Variants in DNAH9 observed in about 807,000 individuals in gnomAD.
The protein encoded by DNAH9 is DNAH9 variant protein.
Under a neutral mutation model 471.6 loss-of-function variants are expected in DNAH9, and 345 were observed. The observed-to-expected ratio is 0.73, with a 90% CI of 0.67 to 0.80. The LOEUF (loss-of-function observed/expected upper bound fraction) is 0.80, where lower values mean the gene tolerates loss of function less well. Among genes scored for constraint, DNAH9 ranks in the 30% least tolerant of loss-of-function variants. The pLI is 0.00. For synonymous variants in DNAH9, 2,093 were observed against 2,123.6 expected (o/e 0.99, Z 0.40); for missense variants, 5,407 against 5,609.2 (o/e 0.96, Z 1.15).
chr17:11,884,886 G>C (rs1044944343), intron 56 of DNAH9, among the ~76,000 whole-genome samples: 1 of 152,066 alleles, frequency 6.6e-6, no homozygotes, highest in African/African-American at 2.4e-5. Context: ...AGGATGGGAT[G>C]CAGCATACTG....
intron 53 of DNAH9, among the ~76,000 whole-genome samples, chr17:11,876,814 G>A (rs1972504047): frequency 6.6e-6 from 1 of 152,100 alleles, no homozygotes; most frequent in African/African-American, 2.4e-5. Flanking sequence ...CCACCTCCCG[G>A]GTTCAAGCAA....
chr17:11,632,374 T>C (rs1402794837), intron 7 of DNAH9, among the ~76,000 whole-genome samples: 2 of 152,162 alleles, frequency 1.3e-5, no homozygotes, highest in African/African-American at 2.4e-5. Flanking sequence ...CTAATTCATT[T>C]CACCATCTTG....
intron 68 of DNAH9, among the ~76,000 whole-genome samples, chr17:11,968,055 G>A (rs1976887638): frequency 6.6e-6 from 1 of 152,162 alleles, no homozygotes; most frequent in Admixed American, 6.5e-5. Flanking sequence ...CCTGTTAATG[G>A]TGACTGCTAA....
chr17:11,719,471 C>A lies in DNAH9; in HGVS notation c.5690C>A (p.Ser1897Ter). ...LGILVYVFNCSEQMDYKSCGN... is the reference protein window; with the variant it reads ...LGILVYVFNC ...ATCCTGGTCTATGTGTTCAACTGCT[C>A]GGAGCAGATGGATTACAAGGTACAG... The change falls in exon 27 of 69, where the codon TCG becomes TAG. Residue 1897 changes from serine to a stop codon, truncating the protein, a stop_gained. Transcript: ENST00000262442. LOFTEE classifies it high-confidence loss of function. 2 of 1,612,722 alleles carry A rather than the reference C, an allele frequency of 1.2e-6. No individual in the cohort carries two copies. The highest frequency in any genetic ancestry group is 8.5e-7 in the Non-Finnish European group (1 of 1,179,618).
At chr17:11,725,553 A>C in intron 27 of DNAH9, among the ~76,000 whole-genome samples, 1 of 151,934 alleles carries the variant, frequency 6.6e-6, no homozygotes, top group Non-Finnish European at 1.5e-5. Context: ...GGTGGGTTTT[A>C]TTTTTCCCTT....
At position 11,932,137 on chromosome 17, in the gene DNAH9, C is replaced by T; in HGVS notation, c.12229C>T (p.Pro4077Ser). ...FGPQGWNRSY[P>S]FNTGDLTISV... is the part of the protein sequence containing the mutation. Reference sequence around the variant, plus strand: ...GCCCCAGGGATGGAATCGCTCATACCCCTTTAACACTGGAGACCTCACTAT... The same window carrying T: ...GCCCCAGGGATGGAATCGCTCATACTCCTTTAACACTGGAGACCTCACTAT... Residue 4077 changes from proline to serine, a missense_variant, in exon 64 of 69, where the codon CCC (proline) becomes TCC (serine). Transcript: ENST00000262442. This position sits in a 1 kb window ranked among gnomAD's most constrained non-coding sequence, Gnocchi z 4.3. 1 of 1,614,120 alleles carries T rather than the reference C, an allele frequency of 6.2e-7. No individual in the cohort carries two copies.
At position 11,626,199 on chromosome 17, in the gene DNAH9, C is replaced by G. The variant is rs114055738; in HGVS notation, c.1351-3218C>G. On this transcript the variant is annotated intron_variant, in intron 6 of 68. Transcript: ENST00000262442. This position sits in a 1 kb window ranked among gnomAD's most constrained non-coding sequence, Gnocchi z 4.3. ...AACATGATGAATTTCGTGTTTAGTACTGTGATGAATAAAAATAGATATTTA... is the reference window on the plus strand; with the variant it reads ...AACATGATGAATTTCGTGTTTAGTAGTGTGATGAATAAAAATAGATATTTA... Among the ~76,000 whole-genome samples the G allele has an allele frequency of 0.026, 3,898 of 152,120 alleles. 158 individuals are homozygous for G. The highest frequency in any genetic ancestry group is 0.087 in the African/African-American group (3,609 of 41,474).
chr17:11,906,420 A>G (rs1973599368), intron 61 of DNAH9, among the ~76,000 whole-genome samples: 1 of 152,046 alleles, frequency 6.6e-6, no homozygotes, highest in Non-Finnish European at 1.5e-5. Flanking sequence ...TGAGGTCAGG[A>G]GTTCAAGACC....
chr17:11,879,685 A>G (rs1358473335), intron 53 of DNAH9, among the ~76,000 whole-genome samples: 1 of 152,150 alleles, frequency 6.6e-6, no homozygotes, highest in African/African-American at 2.4e-5. Context: ...ACATGGAAGG[A>G]TGTTTAATGA....
chr17:11,906,488 A>G (rs541704862), intron 61 of DNAH9, among the ~76,000 whole-genome samples: 150 of 152,122 alleles, frequency 9.9e-4, no homozygotes, highest in South Asian at 3.7e-3. Flanking sequence ...TTAGCTAAGC[A>G]TGGTGGCAGG....
intron 26 of DNAH9, among the ~76,000 whole-genome samples, chr17:11,718,913 C>A (rs1292507779): frequency 6.6e-6 from 1 of 152,012 alleles, no homozygotes; most frequent in African/African-American, 2.4e-5. Context: ...TGGCCATTAG[C>A]CAGGCAAAGA....
At chr17:11,850,934 C>G (rs1249235786) in intron 49 of DNAH9, among the ~76,000 whole-genome samples, 1 of 152,096 alleles carries the variant, frequency 6.6e-6, no homozygotes, top group African/African-American at 2.4e-5. Context: ...GGTCCCTGCT[C>G]TCATGAAGAG....
chr17:11,667,851 C>T (rs921101238), intron 15 of DNAH9, among the ~76,000 whole-genome samples: 3 of 152,334 alleles, frequency 2.0e-5, no homozygotes, highest in East Asian at 3.9e-4. Flanking sequence ...GAGGAAATTT[C>T]GTTGCCACAC....
At chr17:11,782,932 T>G (rs1968723617) in intron 39 of DNAH9, among the ~76,000 whole-genome samples, 1 of 152,098 alleles carries the variant, frequency 6.6e-6, no homozygotes, top group African/African-American at 2.4e-5. Flanking sequence ...TTGCATAAAT[T>G]TATTCTATTG....
chr17:11,842,626 A>G (rs1291880355), intron 49 of DNAH9, among the ~76,000 whole-genome samples: 1 of 152,222 alleles, frequency 6.6e-6, no homozygotes, highest in Admixed American at 6.5e-5. Context: ...TGTAAGTCCA[A>G]GAGTCCAAAG....
In DNAH9 at chr17:11,687,649, G is replaced by A. The variant is rs957186792; in HGVS notation, c.3744-1917G>A. ...CCTTCCCTTTGATGGTGAACCCCAT[G>A]ATGACGTGTTTTGATTTTAGCAAAA... On this transcript the variant is annotated intron_variant, in intron 19 of 68. Coordinates refer to ENST00000262442, the MANE Select transcript of DNAH9 (RefSeq NM_001372.4). 1.3e-5 allele frequency among the ~76,000 whole-genome samples: 2 copies of A among 152,160 alleles called. 1 individual carries two copies. Among genetic ancestry groups the A allele is most frequent in the Non-Finnish European group, 2.9e-5 (2 of 68,036 alleles).
At chr17:11,949,722 T>C (rs1266587362) in intron 67 of DNAH9, among the ~76,000 whole-genome samples, 1 of 152,100 alleles carries the variant, frequency 6.6e-6, no homozygotes, top group Admixed American at 6.6e-5. Context: ...CTCAGCTGAA[T>C]CACCTACCTC....
intron 27 of DNAH9, 52 bp from the exon 28 acceptor site, chr17:11,727,766 T>C (rs2075181094): frequency 8.1e-7 from 1 of 1,238,638 alleles, no homozygotes; most frequent in Admixed American, 1.7e-5. Context: ...CTTCAACATG[T>C]ATTGATAAGC....
chr17:11,919,234 G>A (rs367776729), intron 61 of DNAH9, among the ~76,000 whole-genome samples: 35 of 152,148 alleles, frequency 2.3e-4, no homozygotes, highest in African/African-American at 7.5e-4. Context: ...AGTGGCTCAC[G>A]CCTGTAATCC....
Sources: allele counts gnomAD v4.1 joint callset (sites outside exome capture counted in the v4.1 genomes callset), GRCh38; gene constraint gnomAD v4.1.1; non-coding constraint Gnocchi (gnomAD v3.1); transcripts MANE v1.5; gene names NCBI Gene and HGNC (gene_info 2026-07-23, HGNC 2026-07-21).